Variants in RPH3A observed in about 807,000 individuals in gnomAD.
RPH3A encodes rabphilin 3A, also known as rabphilin-3A.
A neutral mutation model predicts 102.2 loss-of-function variants in RPH3A; 48 were observed. That is an observed-to-expected ratio of 0.47 (90% confidence interval 0.37 to 0.60). RPH3A has a LOEUF of 0.60. Ranked by LOEUF, RPH3A falls within the 20% of genes least tolerant of loss-of-function variation. The pLI is 0.00. For missense variants in RPH3A, 781 were observed against 910.1 expected (o/e 0.86, Z 1.83); for synonymous variants, 310 against 324.3 (o/e 0.96, Z 0.47).
At chr12:112,695,052 A>G (rs191263402) in intron 1 of RPH3A, 242 of 170,538 alleles carry the variant, frequency 1.4e-3, no homozygotes, top group African/African-American at 5.0e-3. Flanking sequence ...TCCTAGTTAC[A>G]TTTGAATTTC....
chr12:112,683,439 G>A (rs534599248), intron 1 of RPH3A, among the ~76,000 whole-genome samples: 1 of 152,264 alleles, frequency 6.6e-6, no homozygotes, highest in Admixed American at 6.5e-5. Flanking sequence ...AGTTGATATT[G>A]CCTTAGTTTG....
At chr12:112,601,474 A>G (rs574049745) in intron 1 of RPH3A, among the ~76,000 whole-genome samples, 2 of 152,348 alleles carry the variant, frequency 1.3e-5, no homozygotes, top group Admixed American at 6.5e-5. Flanking sequence ...ACTGAAAGTG[A>G]GTGAGCCAGG....
intron 16 of RPH3A, among the ~76,000 whole-genome samples, chr12:112,886,165 T>G (rs2042999665): frequency 1.3e-5 from 2 of 152,136 alleles, no homozygotes; most frequent in African/African-American, 4.8e-5. Context: ...ACTTTTACAG[T>G]CCCTTCCTGT....
intron 1 of RPH3A, among the ~76,000 whole-genome samples, chr12:112,653,743 T>C (rs767563219): frequency 2.0e-5 from 3 of 152,164 alleles, no homozygotes; most frequent in Non-Finnish European, 2.9e-5. Context: ...TGCCCAATAG[T>C]TATCTTTAAT....
chr12:112,708,408 C>A (rs940173420), intron 1 of RPH3A, among the ~76,000 whole-genome samples: 1 of 152,068 alleles, frequency 6.6e-6, no homozygotes. Context: ...ATGGGGCCAG[C>A]GCTGGAATTG....
intron 2 of RPH3A, among the ~76,000 whole-genome samples, chr12:112,826,625 A>G (rs2041878858): frequency 6.6e-6 from 1 of 152,120 alleles, no homozygotes; most frequent in African/African-American, 2.4e-5. Flanking sequence ...ATTTGCCCCA[A>G]TTTCTGTCAC....
intron 7 of RPH3A, among the ~76,000 whole-genome samples, chr12:112,867,640 G>A (rs2042634413): frequency 6.6e-6 from 1 of 152,214 alleles, no homozygotes; most frequent in Non-Finnish European, 1.5e-5. Flanking sequence ...ATAGAGGAGG[G>A]AATGGTTACC....
chr12:112,602,311 C>A (rs1445242652), intron 1 of RPH3A, among the ~76,000 whole-genome samples: 1 of 152,130 alleles, frequency 6.6e-6, no homozygotes, highest in Admixed American at 6.5e-5. Flanking sequence ...TCTAACAAAG[C>A]CCCCTCTAAG....
chr12:112,640,325 CAAAAAAAAAAAAAAAAAAAAAAAAA>C (rs1158230534), intron 1 of RPH3A, among the ~76,000 whole-genome samples: 9 of 14,078 alleles, frequency 6.4e-4, no homozygotes, highest in Admixed American at 1.1e-3. Flanking sequence ...AACTCCATCT[CAAAAAAAAAAAAAAAAAAAAAAAAA>C]AAAAAAAAAA....
At chr12:112,627,936 G>C (rs896076914) in intron 1 of RPH3A, among the ~76,000 whole-genome samples, 2 of 148,828 alleles carry the variant, frequency 1.3e-5, no homozygotes, top group South Asian at 4.4e-4. Context: ...AGGGCGGAAG[G>C]CAAAGGGGAA....
chr12:112,806,597 C>G (rs958000408), intron 2 of RPH3A, among the ~76,000 whole-genome samples: 1 of 151,802 alleles, frequency 6.6e-6, no homozygotes, highest in East Asian at 1.9e-4. Flanking sequence ...CCACTGCACT[C>G]CAGCCTGGGT....
intron 5 of RPH3A, among the ~76,000 whole-genome samples, chr12:112,855,750 C>A (rs770301279): frequency 2.0e-5 from 3 of 152,206 alleles, no homozygotes; most frequent in Admixed American, 6.5e-5. Flanking sequence ...CCATTCCCAG[C>A]AGATGGCCCA....
At chr12:112,783,764 T>A (rs563770860) in intron 1 of RPH3A, among the ~76,000 whole-genome samples, 16 of 152,008 alleles carry the variant, frequency 1.1e-4, no homozygotes, top group Admixed American at 9.8e-4. Flanking sequence ...AACCAGTGAG[T>A]GGAAAACGTG....
At chr12:112,733,932 T>C (rs1224435779) in intron 1 of RPH3A, among the ~76,000 whole-genome samples, 1 of 152,212 alleles carries the variant, frequency 6.6e-6, no homozygotes, top group Non-Finnish European at 1.5e-5. Context: ...AATAGTATTA[T>C]TACTATGTTA....
At chr12:112,881,668 G>A (rs1391860815) in intron 14 of RPH3A, 104 bp from the exon 15 acceptor site, 3 of 714,746 alleles carry the variant, frequency 4.2e-6, no homozygotes, top group Non-Finnish European at 7.0e-6. Context: ...CACACAGCGT[G>A]GACCAACAGG....
chr12:112,721,418 C>A lies in RPH3A; in HGVS notation c.-139-70725C>A, dbSNP rs187250427. ...AATTGATCAGCAGAAAAATATACAACAGCATTTACTCAGGATAGCAATATT... is the reference window on the plus strand; with the variant it reads ...AATTGATCAGCAGAAAAATATACAAAAGCATTTACTCAGGATAGCAATATT... On this transcript the variant is annotated intron_variant, in intron 1 of 21. Coordinates refer to the RPH3A transcript ENST00000543106. Among the ~76,000 whole-genome samples the A allele has an allele frequency of 2.4e-3, 358 of 152,266 alleles. 2 individuals carry two copies. The highest frequency in any genetic ancestry group is 8.2e-3 in the African/African-American group (340 of 41,562).
rs1041699479 is a variant in RPH3A, at chr12:112,898,148, T to C, written c.*1368T>C. The C allele has an allele frequency of 6.6e-6, 1 of 152,186 alleles. No homozygotes were observed. The highest frequency in any genetic ancestry group is 1.5e-5 in the Non-Finnish European group (1 of 68,040). The allele number at this position is 152,186 out of a possible 1,614,324, so 9.4% of individuals were successfully genotyped here. On this transcript the variant is annotated 3_prime_UTR_variant, in exon 22 of 22. Transcript: ENST00000389385. Reference sequence around the variant, plus strand: ...AAATAATATCATGGCTATGGAACAGTAGAGAGAGACAGGCCTGATGCCAAA... The same window carrying C: ...AAATAATATCATGGCTATGGAACAGCAGAGAGAGACAGGCCTGATGCCAAA...
At chr12:112,756,157 C>T (rs1353472094) in intron 1 of RPH3A, among the ~76,000 whole-genome samples, 1 of 151,658 alleles carries the variant, frequency 6.6e-6, no homozygotes, top group Non-Finnish European at 1.5e-5. Context: ...ATGCTGATTA[C>T]CCCTATTTGG....
chr12:112,658,854 C>A (rs536896577), intron 1 of RPH3A, among the ~76,000 whole-genome samples: 5 of 152,144 alleles, frequency 3.3e-5, no homozygotes, highest in Non-Finnish European at 7.3e-5. Context: ...GATTAATTGA[C>A]CTTCCAGGCC....
Sources: gnomAD v4.1 joint callset for allele counts (sites outside exome capture counted in the v4.1 genomes callset) on GRCh38, gnomAD v4.1.1 for gene constraint, MANE v1.5 for transcripts, NCBI Gene and HGNC (gene_info 2026-07-23, HGNC 2026-07-21) for gene names.